Variants in EYS observed in about 807,000 individuals in gnomAD.
EYS encodes the protein EGF-like photoreceptor maintenance factor.
In EYS, 250 loss-of-function variants were observed where a neutral mutation model predicts 282.1. That is an observed-to-expected ratio of 0.89 (90% CI 0.80 to 0.98). The LOEUF (loss-of-function observed/expected upper bound fraction) is 0.98. EYS is among the 50% of genes least tolerant of loss of function. The pLI is 0.00. For missense variants in EYS, 4,016 were observed against 3,709.0 expected, an observed-to-expected ratio of 1.08 and a Z score of -2.15; for synonymous variants, 1,355 against 1,282.9, an observed-to-expected ratio of 1.06 and a Z score of -1.20.
intron 5 of EYS, among the ~76,000 whole-genome samples, chr6:65,474,513 G>T (rs527898913): frequency 1.3e-5 from 2 of 152,012 alleles, no homozygotes; most frequent in African/African-American, 4.8e-5. Context: ...ACAGCTCATT[G>T]TCTCTATTGA....
chr6:65,310,211 G>T (rs1298203967), intron 11 of EYS, among the ~76,000 whole-genome samples: 1 of 152,088 alleles, frequency 6.6e-6, no homozygotes, highest in Non-Finnish European at 1.5e-5. Flanking sequence ...AGGCAAGGTG[G>T]CATGTGCCTG....
chr6:64,280,360 T>C (rs1768262947), intron 30 of EYS, among the ~76,000 whole-genome samples: 1 of 152,090 alleles, frequency 6.6e-6, no homozygotes, highest in Non-Finnish European at 1.5e-5. Context: ...GAAAAGAGTA[T>C]GTTAGTAGAT....
rs139760679 is a variant in EYS at position 64,478,422 on chromosome 6, T to C, written c.5645-39070A>G. ...TTTAGACAATTTTAATATTTAAATG[T>C]TTTTAAATATTAAAATTATTTCTAT... On this transcript the variant is annotated intron_variant, in intron 26 of 42. Transcript: ENST00000503581. Among the ~76,000 whole-genome samples the C allele has an allele frequency of 2.9e-3, 438 of 151,626 alleles. 2 individuals carry two copies. Among genetic ancestry groups the C allele is most frequent in the African/African-American group, 0.01 (422 of 41,480 alleles).
At chr6:64,328,633 TAGA>T (rs1192885413) in intron 29 of EYS, among the ~76,000 whole-genome samples, 18 of 152,100 alleles carry the variant, frequency 1.2e-4, no homozygotes, top group Admixed American at 1.1e-3. Context: ...CTTCAGAAGT[TAGA>T]AGGTTTTGAA....
At chr6:64,107,285 TTATATATATATATA>T (rs55756711) in intron 31 of EYS, among the ~76,000 whole-genome samples, 4,986 of 101,482 alleles carry the variant, frequency 0.049, 369 homozygotes, top group African/African-American at 0.15. Context: ...ATATATATAT[TTATATATATATATA>T]TATATATATA....
At chr6:65,046,144 C>G (rs1049922515) in intron 13 of EYS, among the ~76,000 whole-genome samples, 12 of 151,766 alleles carry the variant, frequency 7.9e-5, no homozygotes, top group Admixed American at 6.6e-4. Context: ...CAATTCTGGA[C>G]TACTCCAACT....
At chr6:64,809,853 T>A (rs1764541937) in intron 22 of EYS, among the ~76,000 whole-genome samples, 1 of 152,044 alleles carries the variant, frequency 6.6e-6, no homozygotes, top group Non-Finnish European at 1.5e-5. Context: ...CTGAAGAACC[T>A]CTTATTGGGT....
chr6:65,278,031 CCTTTT>C lies in EYS; in HGVS notation c.2023+17827_2023+17831del, dbSNP rs70999189. Among the ~76,000 whole-genome samples, 52 of 107,504 alleles carry C rather than the reference CCTTTT, an allele frequency of 4.8e-4. 1 individual carries two copies. Among genetic ancestry groups the C allele is most frequent in the African/African-American group, 1.5e-3 (44 of 29,636 alleles). The allele number at this position is 107,504 out of a possible 152,430, so 70.5% of individuals were successfully genotyped here. On this transcript the variant is annotated intron_variant, in intron 12 of 42. Coordinates refer to ENST00000503581, the MANE Select transcript of EYS (RefSeq NM_001142800.2). ...ACACCAGGTTGTTTTCTTTTCTTTT[CCTTTT>C]CTTTTCTTTTCTTTTCTTTTCTTTT...
intron 12 of EYS, among the ~76,000 whole-genome samples, chr6:65,061,578 A>C (rs569059936): frequency 5.9e-5 from 9 of 151,932 alleles, no homozygotes; most frequent in African/African-American, 1.9e-4. Context: ...TCATGTGTTA[A>C]TTTCTAAATA....
chr6:65,281,826 G>A (rs1768227447), intron 12 of EYS, among the ~76,000 whole-genome samples: 1 of 152,156 alleles, frequency 6.6e-6, no homozygotes, highest in African/African-American at 2.4e-5. Context: ...TCCATTTCTA[G>A]ATAAATATGT....
chr6:64,992,975 G>A lies in EYS; in HGVS notation c.2259+4607C>T, dbSNP rs551276991. 3.9e-5 allele frequency among the ~76,000 whole-genome samples: 6 copies of A among 152,160 alleles called. No individual in the cohort carries two copies. In the South Asian group the frequency reaches 6.2e-4, roughly 16 times the overall value. The stretch of plus-strand genomic sequence containing the variant: ...TCATGCCCTTGAAGGCAAGGGTACA[G>A]AGAAGGTCCTGGGAGCCACATTTGG... On this transcript the variant is annotated intron_variant, in intron 14 of 42. Coordinates refer to ENST00000503581, the MANE Select transcript of EYS (RefSeq NM_001142800.2).
chr6:63,947,798 A>T (rs1329063703), intron 35 of EYS, among the ~76,000 whole-genome samples: 1 of 152,192 alleles, frequency 6.6e-6, no homozygotes. Context: ...CCTTATGTTG[A>T]GCTCTTCTGT....
intron 35 of EYS, among the ~76,000 whole-genome samples, chr6:63,961,290 G>A (rs900023037): frequency 2.0e-5 from 3 of 152,154 alleles, no homozygotes; most frequent in Non-Finnish European, 4.4e-5. Flanking sequence ...CACAAAAGAA[G>A]TGAAAGTGGC....
At chr6:65,254,309 G>A (rs1037278555) in intron 12 of EYS, among the ~76,000 whole-genome samples, 2 of 151,736 alleles carry the variant, frequency 1.3e-5, no homozygotes, top group African/African-American at 4.8e-5. Flanking sequence ...AACAGGTATG[G>A]TTAAACACAT....
chr6:64,347,728 A>C (rs1300796016), intron 29 of EYS, among the ~76,000 whole-genome samples: 1 of 151,306 alleles, frequency 6.6e-6, no homozygotes, highest in African/African-American at 2.4e-5. Context: ...AGTTTTTCAA[A>C]ATCTCCATTT....
chr6:64,340,408 A>G (rs990593209), intron 29 of EYS, among the ~76,000 whole-genome samples: 1 of 151,780 alleles, frequency 6.6e-6, no homozygotes, highest in African/African-American at 2.4e-5. Context: ...AAACTCATGA[A>G]TAAAGCTTCA....
intron 7 of EYS, among the ~76,000 whole-genome samples, chr6:65,385,830 T>C (rs1765778569): frequency 1.3e-5 from 2 of 151,990 alleles, no homozygotes; most frequent in South Asian, 4.1e-4. Context: ...TAGCTAGATA[T>C]CCAGAAATCA....
chr6:65,491,002 A>T (rs73743911), intron 4 of EYS, among the ~76,000 whole-genome samples: 1 of 152,068 alleles, frequency 6.6e-6, no homozygotes, highest in African/African-American at 2.4e-5. Context: ...TTTTCATGAT[A>T]GATAATATTC....
chr6:65,358,599 AGTGTGTGT>A (rs61588307), intron 8 of EYS, among the ~76,000 whole-genome samples: 38,041 of 140,804 alleles, frequency 0.27, 5,034 homozygotes, highest in East Asian at 0.34. Flanking sequence ...AGGTTTCTGA[AGTGTGTGT>A]GTGTGTGTGT....
Sources: gnomAD v4.1 joint callset for allele counts (sites outside exome capture counted in the v4.1 genomes callset) on GRCh38, gnomAD v4.1.1 for gene constraint, MANE v1.5 for transcripts, NCBI Gene and HGNC (gene_info 2026-07-23, HGNC 2026-07-21) for gene names.